The following SPAG16 variants were observed in gnomAD, a reference collection of about 807,000 sequenced individuals.
SPAG16 encodes the protein sperm associated antigen 16.
A neutral mutation model predicts 80.4 loss-of-function variants in SPAG16; 86 were observed. The observed-to-expected ratio is 1.07, with a 90% CI of 0.90 to 1.28. The LOEUF is 1.28. SPAG16 is among the 50% of genes most tolerant of loss of function. The pLI is 0.00. For synonymous variants in SPAG16, 294 were observed against 265.9 expected, an observed-to-expected ratio of 1.11 and a Z score of -1.03; for missense variants, 870 against 765.3, an observed-to-expected ratio of 1.14 and a Z score of -1.61.
At chr2:214,301,265 C>G (rs1312422531) in intron 15 of SPAG16, among the ~76,000 whole-genome samples, 1 of 150,830 alleles carries the variant, frequency 6.6e-6, no homozygotes, top group African/African-American at 2.4e-5. Context: ...ATCCAACATC[C>G]CTTCATGATA....
intron 5 of SPAG16, among the ~76,000 whole-genome samples, chr2:213,321,459 A>G (rs1452141568): frequency 6.6e-6 from 1 of 152,118 alleles, no homozygotes; most frequent in Non-Finnish European, 1.5e-5. Flanking sequence ...TATGTTAAAG[A>G]GCTTTGTAAA....
intron 10 of SPAG16, among the ~76,000 whole-genome samples, chr2:213,630,582 A>G (rs1193050678): frequency 6.6e-6 from 1 of 152,212 alleles, no homozygotes; most frequent in Non-Finnish European, 1.5e-5. Context: ...TAAGAGTAGC[A>G]AAATGATGAA....
chr2:214,345,298 C>T (rs1697984281), intron 15 of SPAG16, among the ~76,000 whole-genome samples: 1 of 152,062 alleles, frequency 6.6e-6, no homozygotes, highest in Non-Finnish European at 1.5e-5. Flanking sequence ...TGCTGTTGGT[C>T]CCTGGCCTGA....
At chr2:213,402,489 A>G (rs961048177) in intron 9 of SPAG16, among the ~76,000 whole-genome samples, 3 of 151,978 alleles carry the variant, frequency 2.0e-5, no homozygotes, top group Non-Finnish European at 4.4e-5. Flanking sequence ...GGTTTGTTAC[A>G]TATGTATACA....
At chr2:213,556,699 T>A (rs2059437594) in intron 10 of SPAG16, among the ~76,000 whole-genome samples, 1 of 151,918 alleles carries the variant, frequency 6.6e-6, no homozygotes, top group Admixed American at 6.6e-5. Flanking sequence ...ACTAGAAAAA[T>A]AATAAGGAAA....
intron 11 of SPAG16, among the ~76,000 whole-genome samples, chr2:213,901,684 A>G (rs146013852): frequency 2.2e-4 from 34 of 152,300 alleles, no homozygotes; most frequent in African/African-American, 7.2e-4. Flanking sequence ...AATATTAAGG[A>G]ATGGAATAAA....
At chr2:213,982,779 C>A (rs1424865680) in intron 12 of SPAG16, among the ~76,000 whole-genome samples, 1 of 151,908 alleles carries the variant, frequency 6.6e-6, no homozygotes, top group East Asian at 1.9e-4. Flanking sequence ...GGAAAGTTAA[C>A]CTTGAAGTGG....
chr2:213,846,692 T>C (rs1335191455), intron 10 of SPAG16, among the ~76,000 whole-genome samples: 3 of 152,156 alleles, frequency 2.0e-5, no homozygotes, highest in East Asian at 3.8e-4. Context: ...CCATGTAATA[T>C]ATGTCTTTTA....
intron 15 of SPAG16, among the ~76,000 whole-genome samples, chr2:214,353,498 T>G (rs1214805880): frequency 6.6e-6 from 1 of 152,170 alleles, no homozygotes; most frequent in Non-Finnish European, 1.5e-5. Flanking sequence ...TGTAGCAATC[T>G]TGATGAAGGT....
intron 15 of SPAG16, among the ~76,000 whole-genome samples, chr2:214,192,355 A>G (rs1299488518): frequency 1.3e-5 from 2 of 152,138 alleles, no homozygotes; most frequent in Non-Finnish European, 2.9e-5. Context: ...TAATTAATGA[A>G]TAATGTTAAA....
Position 214,269,973 on chromosome 2 carries a change from T to A in SPAG16, c.1720+120707T>A, listed in dbSNP as rs76206873. ...AATGAATTAATGCCAGAGACAGAAC[T>A]TGGATTAAAGGAAAGAGAATGTCTT... On this transcript the variant is annotated intron_variant, in intron 15 of 15. Coordinates refer to ENST00000331683, the MANE Select transcript of SPAG16 (RefSeq NM_024532.5). Among the ~76,000 whole-genome samples the A allele has an allele frequency of 1.0e-2, 1,502 of 150,762 alleles. 20 individuals are homozygous for A. Among genetic ancestry groups the A allele is most frequent in the African/African-American group, 0.035 (1,431 of 41,462 alleles).
chr2:213,825,723 T>G (rs2073246792), intron 10 of SPAG16, among the ~76,000 whole-genome samples: 1 of 107,488 alleles, frequency 9.3e-6, no homozygotes, highest in Admixed American at 9.8e-5. Flanking sequence ...TTTTTTTTTT[T>G]GATGTGTCTT....
chr2:214,173,767 A>G (rs2056968895), intron 15 of SPAG16, among the ~76,000 whole-genome samples: 1 of 151,938 alleles, frequency 6.6e-6, no homozygotes, highest in Non-Finnish European at 1.5e-5. Context: ...GCAGAGACAC[A>G]ACCAAAAAAG....
chr2:213,824,672 G>A (rs1177926987), intron 10 of SPAG16, among the ~76,000 whole-genome samples: 1 of 152,156 alleles, frequency 6.6e-6, no homozygotes, highest in African/African-American at 2.4e-5. Context: ...GTCAGGTAAT[G>A]TGATTCCTCT....
chr2:214,328,113 T>C (rs1696624173), intron 15 of SPAG16, among the ~76,000 whole-genome samples: 1 of 152,158 alleles, frequency 6.6e-6, no homozygotes, highest in South Asian at 2.1e-4. Flanking sequence ...TATTGTACAG[T>C]TGTTCATGAG....
intron 14 of SPAG16, among the ~76,000 whole-genome samples, chr2:214,122,767 C>T (rs929771003): frequency 1.9e-4 from 29 of 151,832 alleles, no homozygotes; most frequent in Admixed American, 6.6e-5. Flanking sequence ...TTCATTACTG[C>T]ACCAAGATGA....
At chr2:214,390,404 T>C (rs1701009142) in intron 15 of SPAG16, among the ~76,000 whole-genome samples, 1 of 151,382 alleles carries the variant, frequency 6.6e-6, no homozygotes, top group Non-Finnish European at 1.5e-5. Context: ...ATTATAATGA[T>C]TTCAAATTCT....
intron 14 of SPAG16, among the ~76,000 whole-genome samples, chr2:214,124,833 C>G (rs1049624783): frequency 1.3e-5 from 2 of 151,712 alleles, no homozygotes; most frequent in African/African-American, 4.8e-5. Flanking sequence ...CATCTTCCAG[C>G]AGGATGGGCT....
Position 214,099,383 on chromosome 2 carries a change from T to C in SPAG16, c.1528-8813T>C, listed in dbSNP as rs192930465. 3.9e-5 allele frequency among the ~76,000 whole-genome samples: 6 copies of C among 152,256 alleles called. No individual in the cohort carries two copies. In the East Asian group the frequency reaches 1.2e-3, roughly 29 times the overall value. ...TGTAAATGGAGATTTAAAATATTAC[T>C]AATTTCCTATGGTAGAGATGAAAAG... On this transcript the variant is annotated intron_variant, in intron 13 of 15. Transcript: ENST00000331683.
Sources: allele counts gnomAD v4.1 joint callset (sites outside exome capture counted in the v4.1 genomes callset), GRCh38; gene constraint gnomAD v4.1.1; transcripts MANE v1.5; gene names NCBI Gene and HGNC (gene_info 2026-07-23, HGNC 2026-07-21).